The following CDH13 variants were observed in gnomAD, a reference collection of about 807,000 sequenced individuals.
CDH13 encodes cadherin 13.
In CDH13, 24 loss-of-function variants were observed where a neutral mutation model predicts 63.8. That is an observed-to-expected ratio of 0.38 (90% CI 0.27 to 0.53). CDH13 has a LOEUF of 0.53. Among genes scored for constraint, CDH13 ranks in the 20% least tolerant of loss-of-function variants. The pLI is 0.85. For synonymous variants in CDH13, 503 were observed against 355.3 expected, an observed-to-expected ratio of 1.42 and a Z score of -4.67; for missense variants, 1,049 against 903.1, an observed-to-expected ratio of 1.16 and a Z score of -2.07.
Position 82,736,460 on chromosome 16 carries a change from A to C in CDH13, c.45+109323A>C, listed in dbSNP as rs144346655. Reference sequence around the variant, plus strand: ...GCCTTCCCAGATGCATTGATGAACAAGTTGCAATTCTTGCTGTGGTGAGCT... The same window carrying C: ...GCCTTCCCAGATGCATTGATGAACACGTTGCAATTCTTGCTGTGGTGAGCT... On this transcript the variant is annotated intron_variant, in intron 1 of 13. Transcript: ENST00000567109. 2.1e-3 allele frequency among the ~76,000 whole-genome samples: 325 copies of C among 152,278 alleles called. 2 individuals are homozygous for C. Among genetic ancestry groups the C allele is most frequent in the African/African-American group, 6.1e-3 (252 of 41,562 alleles).
chr16:82,649,907 G>T (rs1351064555), intron 1 of CDH13, among the ~76,000 whole-genome samples: 1 of 152,158 alleles, frequency 6.6e-6, no homozygotes, highest in Non-Finnish European at 1.5e-5. Context: ...GTTCCTGAGA[G>T]GAGGAATTGA....
chr16:83,794,200 C>T (rs1022028551), intron 13 of CDH13, among the ~76,000 whole-genome samples: 1 of 152,142 alleles, frequency 6.6e-6, no homozygotes, highest in South Asian at 2.1e-4. Context: ...AGAATAGATT[C>T]GTGTTGTTTG....
intron 1 of CDH13, among the ~76,000 whole-genome samples, chr16:82,847,189 A>C (rs1347039962): frequency 1.3e-5 from 2 of 152,254 alleles, no homozygotes; most frequent in African/African-American, 4.8e-5. Context: ...TTGTGGGGCC[A>C]GGCTATAGTA....
chr16:83,333,823 G>C (rs1040039452), intron 5 of CDH13, among the ~76,000 whole-genome samples: 1 of 152,080 alleles, frequency 6.6e-6, no homozygotes, highest in African/African-American at 2.4e-5. Flanking sequence ...ATTGTTAATG[G>C]TACCTACTTT....
chr16:83,672,908 G>A (rs1465165628), intron 9 of CDH13, among the ~76,000 whole-genome samples: 1 of 152,196 alleles, frequency 6.6e-6, no homozygotes, highest in African/African-American at 2.4e-5. Flanking sequence ...ACAGCCAGTG[G>A]CTATGTCATT....
At chr16:82,813,855 T>A (rs1348841085) in intron 1 of CDH13, among the ~76,000 whole-genome samples, 1 of 152,220 alleles carries the variant, frequency 6.6e-6, no homozygotes, top group Non-Finnish European at 1.5e-5. Context: ...GTATTAGCTA[T>A]TCCTCAGATG....
At chr16:82,868,194 A>G (rs1045424118) in intron 2 of CDH13, among the ~76,000 whole-genome samples, 1 of 152,186 alleles carries the variant, frequency 6.6e-6, no homozygotes, top group African/African-American at 2.4e-5. Flanking sequence ...TTATTCTGGT[A>G]TTGCCTAATT....
chr16:82,674,137 G>T (rs1468751491), intron 1 of CDH13, among the ~76,000 whole-genome samples: 2 of 152,150 alleles, frequency 1.3e-5, no homozygotes, highest in African/African-American at 2.4e-5. Flanking sequence ...GCAGACACTT[G>T]TAATGAGAGA....
At chr16:82,999,339 C>T (rs948635243) in intron 2 of CDH13, among the ~76,000 whole-genome samples, 5 of 152,168 alleles carry the variant, frequency 3.3e-5, no homozygotes, top group African/African-American at 1.2e-4. Context: ...GAAATTTTAC[C>T]GAAATGTTGT....
At chr16:82,640,522 G>T (rs1213799824) in intron 1 of CDH13, among the ~76,000 whole-genome samples, 1 of 152,120 alleles carries the variant, frequency 6.6e-6, no homozygotes. Flanking sequence ...AGCCACAGCC[G>T]ATATGTAAAT....
intron 1 of CDH13, among the ~76,000 whole-genome samples, chr16:82,856,232 C>T (rs1216471742): frequency 4.0e-5 from 6 of 151,614 alleles, no homozygotes; most frequent in Admixed American, 1.3e-4. Context: ...AAAAATTAGC[C>T]GGGTATGGTG....
chr16:82,697,943 G>C lies in CDH13; in HGVS notation c.45+70806G>C, dbSNP rs373230659. Among the ~76,000 whole-genome samples, 4 of 152,170 alleles carry C rather than the reference G, an allele frequency of 2.6e-5. No individual in the cohort carries two copies. In the East Asian group the frequency reaches 7.7e-4, roughly 29 times the overall value. ...GCTGGTGAGGAGGAAACAAAGACTG[G>C]AGGATGTAATCTACCCCATAGATGA... On this transcript the variant is annotated intron_variant, in intron 1 of 13. Coordinates refer to ENST00000567109, the MANE Select transcript of CDH13 (RefSeq NM_001257.5).
intron 3 of CDH13, among the ~76,000 whole-genome samples, chr16:83,123,624 C>T (rs2035685647): frequency 6.6e-6 from 1 of 152,112 alleles, no homozygotes; most frequent in Non-Finnish European, 1.5e-5. Context: ...CACTTAGGTT[C>T]ATTCCATGTC....
At chr16:83,758,336 A>G (rs1390829584) in intron 11 of CDH13, among the ~76,000 whole-genome samples, 4 of 152,184 alleles carry the variant, frequency 2.6e-5, no homozygotes, top group Admixed American at 6.5e-5. Flanking sequence ...TAACAAAAAT[A>G]TTAATGAATC....
At chr16:83,680,280 T>C (rs1234540467) in intron 10 of CDH13, among the ~76,000 whole-genome samples, 1 of 152,158 alleles carries the variant, frequency 6.6e-6, no homozygotes, top group African/African-American at 2.4e-5. Flanking sequence ...TTGCTGGAGC[T>C]GGGGTCATGC....
chr16:82,684,201 G>C (rs532328368), intron 1 of CDH13, among the ~76,000 whole-genome samples: 2 of 152,226 alleles, frequency 1.3e-5, no homozygotes, highest in Non-Finnish European at 2.9e-5. Flanking sequence ...CTGGATTTCA[G>C]GAATTTGAGG....
intron 6 of CDH13, among the ~76,000 whole-genome samples, chr16:83,445,566 C>T (rs191281314): frequency 6.0e-4 from 92 of 152,266 alleles, no homozygotes; most frequent in African/African-American, 2.1e-3. Flanking sequence ...AAGGCGCAAC[C>T]AGAAGATAGC....
At chr16:83,103,369 C>A (rs2034603666) in intron 3 of CDH13, among the ~76,000 whole-genome samples, 1 of 149,530 alleles carries the variant, frequency 6.7e-6, no homozygotes, top group Admixed American at 6.7e-5. Flanking sequence ...CCTCAGCCTA[C>A]TGAGTAGCTG....
intron 2 of CDH13, among the ~76,000 whole-genome samples, chr16:82,986,482 G>A (rs1206500330): frequency 3.3e-5 from 5 of 152,190 alleles, no homozygotes; most frequent in Non-Finnish European, 7.3e-5. Flanking sequence ...CAAAAACACT[G>A]CAAAATTTCA....
Sources: gnomAD v4.1 joint callset for allele counts (sites outside exome capture counted in the v4.1 genomes callset) on GRCh38, gnomAD v4.1.1 for gene constraint, MANE v1.5 for transcripts, NCBI Gene and HGNC (gene_info 2026-07-23, HGNC 2026-07-21) for gene names.